The following ZNF697 variants were observed in gnomAD, a reference collection of about 807,000 sequenced individuals.
ZNF697 encodes the protein zinc finger protein 697.
Under a neutral mutation model 32.4 loss-of-function variants are expected in ZNF697, and 23 were observed. That is an observed-to-expected ratio of 0.71 (90% CI 0.51 to 1.01). The LOEUF is 1.01. Among genes scored for constraint, ZNF697 ranks in the 50% least tolerant of loss-of-function variants. ZNF697 has a pLI of 0.00. For synonymous variants in ZNF697, 418 were observed against 337.2 expected (o/e 1.24, Z -2.62); for missense variants, 930 against 794.0 (o/e 1.17, Z -2.06).
chr1:119,642,090 T>C (rs933083974), intron 1 of ZNF697, among the ~76,000 whole-genome samples: 6 of 152,178 alleles, frequency 3.9e-5, no homozygotes, highest in Non-Finnish European at 7.3e-5. Context: ...CCTTAAAACG[T>C]ATACTACTAA....
In ZNF697 at chr1:119,623,882, CG is replaced by C. The variant is rs1648474060; in HGVS notation, c.460del (p.Arg154GlufsTer84). On this transcript the variant is annotated frameshift_variant, in exon 3 of 3. Coordinates refer to ENST00000421812, the MANE Select transcript of ZNF697 (RefSeq NM_001080470.2). LOFTEE classifies it high-confidence loss of function. ...RRHLSLGSRH[R>X]GDKPAHRRFH... ...GCGGCGGTGGGCGGGCTTGTCACCT[CG>C]GTGCCGACTCCCCAGGGAGAGATGT... 6.5e-7 allele frequency: 1 copy of C among 1,543,734 alleles called. No individual in the cohort carries two copies.
intron 1 of ZNF697, among the ~76,000 whole-genome samples, chr1:119,630,838 C>T (rs1280374232): frequency 1.3e-5 from 2 of 152,068 alleles, no homozygotes; most frequent in Non-Finnish European, 2.9e-5. Context: ...CCCCCGCACT[C>T]CAGCCTGAGA....
intron 1 of ZNF697, 70 bp downstream of exon 1, chr1:119,647,621 G>A (rs1237110977): frequency 6.6e-6 from 1 of 152,484 alleles, no homozygotes; most frequent in Non-Finnish European, 1.5e-5. Context: ...AGTGGGGCTG[G>A]AGGCACGAAC....
Position 119,623,200 on chromosome 1 carries a change from G to T in ZNF697, c.1143C>A (p.His381Gln). ...AGCGCTTGCCGCACTCGCCACAGCC[G>T]TGCGGCTTCTCGCCCGTGTGGATGC... The part of the protein sequence containing the change: ...HQRIHTGEKP[H>Q]GCGECGKRFS... The change falls in exon 3 of 3, where the codon CAC (histidine) becomes CAA (glutamine). Residue 381 changes from histidine (H) to glutamine (Q), a missense_variant. Transcript: ENST00000421812. 1 of 1,563,744 alleles carries T rather than the reference G, an allele frequency of 6.4e-7. No homozygotes were observed. The highest frequency in any genetic ancestry group is 2.3e-5 in the East Asian group (1 of 43,106).
chr1:119,622,479 C>A lies in ZNF697; in HGVS notation c.*226G>T, dbSNP rs1361853675. 11 of 781,164 alleles carry A rather than the reference C, an allele frequency of 1.4e-5. No individual in the cohort carries two copies. The highest frequency in any genetic ancestry group is 1.5e-5 in the Non-Finnish European group (8 of 531,238). The allele number at this position is 781,164 out of a possible 1,614,324, so 48.4% of individuals were successfully genotyped here. A position where few individuals can be genotyped will look rare whatever the true frequency, so the allele number is the denominator to read the frequency against. On this transcript the variant is annotated 3_prime_UTR_variant, in exon 3 of 3. Transcript: ENST00000421812. The stretch of plus-strand genomic sequence containing the variant: ...TATTTAAGGAAGTCATCACCCCAAG[C>A]GCATCTCCTGAACAATTCTTCCGTG...
intron 1 of ZNF697, among the ~76,000 whole-genome samples, chr1:119,628,432 T>G (rs1648663226): frequency 6.6e-6 from 1 of 152,146 alleles, no homozygotes; most frequent in Admixed American, 6.5e-5. Flanking sequence ...TTTCTAGATT[T>G]GAAGGCAGGG....
At chr1:119,638,830 C>T (rs1648991716) in intron 1 of ZNF697, among the ~76,000 whole-genome samples, 2 of 152,140 alleles carry the variant, frequency 1.3e-5, no homozygotes, top group South Asian at 4.1e-4. Context: ...CCCGCATGTC[C>T]CATGTGACAA....
At position 119,623,678 on chromosome 1, in the gene ZNF697, A is replaced by G; in HGVS notation, c.665T>C (p.Leu222Pro). The change falls in exon 3 of 3, where the codon CTG (leucine) becomes CCG (proline). Residue 222 changes from leucine (L) to proline (P), a missense_variant. Leu to Pro is a moderately conservative substitution (Grantham distance 98). Transcript: ENST00000421812. ...RLAEAAAAAS[L>P]EPFGLAGECD... ...CTCGCCCGCCAGGCCGAAGGGCTCC[A>G]GGCTGGCGGCGGCAGCGGCCTCAGC... 2 of 1,369,448 alleles carry G rather than the reference A, an allele frequency of 1.5e-6. No individual in the cohort carries two copies. The highest frequency in any genetic ancestry group is 1.9e-6 in the Non-Finnish European group (2 of 1,044,020). The allele number at this position is 1,369,448 out of a possible 1,614,324, so 84.8% of individuals were successfully genotyped here.
intron 1 of ZNF697, among the ~76,000 whole-genome samples, chr1:119,630,070 T>G (rs943708860): frequency 6.6e-6 from 1 of 152,196 alleles, no homozygotes; most frequent in Non-Finnish European, 1.5e-5. Flanking sequence ...AATAGAAGTT[T>G]AAGGGGGAAA....
In ZNF697 at chr1:119,648,178, C is replaced by T. The variant is rs1361271113; in HGVS notation, c.-525G>A. On this transcript the variant is annotated 5_prime_UTR_variant, in exon 1 of 3. Transcript: ENST00000421812. ...GCGGCGGCGGCGGCTGCAGCGGCCG[C>T]TGGGTGGCCCGCTGGCTGGCTGGTT... Among the ~76,000 whole-genome samples, 1 of 150,528 alleles carries T rather than the reference C, an allele frequency of 6.6e-6. No individual in the cohort carries two copies. The highest frequency in any genetic ancestry group is 1.5e-5 in the Non-Finnish European group (1 of 67,740).
In ZNF697 at chr1:119,620,337, G is replaced by A. The variant is rs1299979365; in HGVS notation, c.*2368C>T. On this transcript the variant is annotated 3_prime_UTR_variant, in exon 3 of 3. Coordinates refer to ENST00000421812, the MANE Select transcript of ZNF697 (RefSeq NM_001080470.2). ...GTTGCTGATATGTAGTATATTTGAT[G>A]CAGACGAGACCAGGCATAGCAATGG... The A allele has an allele frequency of 1.3e-5, 2 of 152,668 alleles. No homozygotes were observed. The highest frequency in any genetic ancestry group is 2.1e-4 in the South Asian group (1 of 4,826). The allele number at this position is 152,668 out of a possible 1,614,324, so 9.5% of individuals were successfully genotyped here.
At chr1:119,642,917 T>C (rs1410731837) in intron 1 of ZNF697, among the ~76,000 whole-genome samples, 1 of 152,186 alleles carries the variant, frequency 6.6e-6, no homozygotes, top group Non-Finnish European at 1.5e-5. Context: ...TTCTTTGAAA[T>C]TCACAAAGGC....
In ZNF697 at chr1:119,623,578, G is replaced by A. The variant is rs187090148; in HGVS notation, c.765C>T (p.Pro255=). 2.7e-3 allele frequency: 3,993 copies of A among 1,458,366 alleles called. 10 individuals carry two copies. Among genetic ancestry groups the A allele is most frequent in the Middle Eastern group, 0.017 (72 of 4,210 alleles). The allele number at this position is 1,458,366 out of a possible 1,614,324, so 90.3% of individuals were successfully genotyped here. The change falls in exon 3 of 3, where the codon CCC becomes CCT. Residue 255 remains proline (P), a synonymous_variant. Coordinates refer to ENST00000421812, the MANE Select transcript of ZNF697 (RefSeq NM_001080470.2). ...GFGAGPPLAR[P]PREKPFRCGE... is the part of the protein sequence containing the mutation. ...CGCAGCGGAAGGGCTTTTCGCGCGG[G>A]GGCCGGGCCAGCGGGGGCCCGGCCC...
At chr1:119,642,308 A>G (rs771956129) in intron 1 of ZNF697, among the ~76,000 whole-genome samples, 28 of 152,244 alleles carry the variant, frequency 1.8e-4, no homozygotes, top group Non-Finnish European at 3.2e-4. Context: ...GTCATTATAC[A>G]TTCGTCAAAA....
intron 1 of ZNF697, among the ~76,000 whole-genome samples, chr1:119,647,129 G>A (rs987943843): frequency 3.3e-5 from 5 of 152,126 alleles, no homozygotes; most frequent in Non-Finnish European, 5.9e-5. Flanking sequence ...GGAAAATCGT[G>A]GAAAGTCCCA....
chr1:119,643,962 C>T (rs1013682354), intron 1 of ZNF697, among the ~76,000 whole-genome samples: 2 of 152,216 alleles, frequency 1.3e-5, no homozygotes, highest in Admixed American at 6.5e-5. Flanking sequence ...TATCAACATG[C>T]AAATAATATT....
In ZNF697 at chr1:119,622,960, G is replaced by A; in HGVS notation, c.1383C>T (p.Gly461=). ...HLVNHLRVHT[G]EKPFRCGQCE... is the part of the protein sequence containing the mutation. ...ACTGGCCACAGCGGAAGGGCTTCTC[G>A]CCGGTGTGCACGCGCAGGTGGTTCA... Residue 461 remains glycine (G), a synonymous_variant, in exon 3 of 3, where the codon GGC becomes GGT. Coordinates refer to ENST00000421812, the MANE Select transcript of ZNF697 (RefSeq NM_001080470.2). The A allele has an allele frequency of 6.2e-7, 1 of 1,603,136 alleles. No homozygotes were observed. Among genetic ancestry groups the A allele is most frequent in the Non-Finnish European group, 8.5e-7 (1 of 1,173,970 alleles).
intron 1 of ZNF697, among the ~76,000 whole-genome samples, chr1:119,639,863 A>C (rs587716053): frequency 4.1e-4 from 62 of 152,292 alleles, no homozygotes; most frequent in African/African-American, 1.4e-3. Context: ...TGTCTCAAAA[A>C]AACCAAAAAC....
chr1:119,619,656 ACAG>A lies in ZNF697; in HGVS notation c.*3046_*3048del, dbSNP rs1557930657. ...AAAAATGTGCACAAACTTCAGAAAC[ACAG>A]TTTAGATTGTCTATGAACACAGGTC... On this transcript the variant is annotated 3_prime_UTR_variant, in exon 3 of 3. Coordinates refer to ENST00000421812, the MANE Select transcript of ZNF697 (RefSeq NM_001080470.2). The A allele has an allele frequency of 6.6e-6, 1 of 152,658 alleles. No individual in the cohort carries two copies. Among genetic ancestry groups the A allele is most frequent in the Non-Finnish European group, 1.5e-5 (1 of 68,034 alleles). 9.5% of individuals were successfully genotyped at this position (152,658 alleles called of 1,614,324 possible). A position where few individuals can be genotyped will look rare whatever the true frequency, so the allele number is the denominator to read the frequency against.
Sources: allele counts gnomAD v4.1 joint callset (sites outside exome capture counted in the v4.1 genomes callset), GRCh38; gene constraint gnomAD v4.1.1; transcripts MANE v1.5; gene names NCBI Gene and HGNC (gene_info 2026-07-23, HGNC 2026-07-21).